NEK9: variants seen among roughly 807,000 people sequenced by gnomAD.
NEK9 encodes NIMA related kinase 9, also known as serine/threonine-protein kinase Nek9.
Under a neutral mutation model 123.4 loss-of-function variants are expected in NEK9, and 75 were observed. The ratio of observed to expected loss-of-function variants is 0.61; its 90% CI spans 0.50 to 0.74. NEK9 has a LOEUF of 0.74. Ranked by LOEUF, NEK9 falls within the 30% of genes least tolerant of loss-of-function variation. The pLI is 0.00. For synonymous variants in NEK9, 438 were observed against 458.7 expected (o/e 0.95, Z 0.58); for missense variants, 952 against 1,214.4 (o/e 0.78, Z 3.21).
intron 19 of NEK9, among the ~76,000 whole-genome samples, chr14:75,089,682 C>T (rs1433109746): frequency 2.7e-5 from 4 of 149,498 alleles, no homozygotes; most frequent in African/African-American, 4.9e-5. Flanking sequence ...ATTACAGGTG[C>T]GTGCCACCAT....
chr14:75,110,607 C>T (rs776059179), intron 8 of NEK9, among the ~76,000 whole-genome samples: 8 of 151,996 alleles, frequency 5.3e-5, no homozygotes, highest in Non-Finnish European at 1.0e-4. Context: ...CTTTCTGTCT[C>T]TGAGAAATGG....
intron 14 of NEK9, among the ~76,000 whole-genome samples, chr14:75,102,631 CG>C (rs1894625129): frequency 1.3e-5 from 2 of 152,074 alleles, no homozygotes; most frequent in African/African-American, 4.8e-5. Flanking sequence ...GGATTACAGG[CG>C]TGAGCCACCG....
chr14:75,107,551 A>G, intron 10 of NEK9, 64 bp from the exon 11 acceptor site: 1 of 1,364,778 alleles, frequency 7.3e-7, no homozygotes, highest in Non-Finnish European at 9.8e-7. Flanking sequence ...TTAAATTTTA[A>G]AGAGATGGGT....
chr14:75,115,561 A>G (rs1895113819), intron 6 of NEK9, among the ~76,000 whole-genome samples: 1 of 152,248 alleles, frequency 6.6e-6, no homozygotes, highest in African/African-American at 2.4e-5. Flanking sequence ...TTTTTCATAT[A>G]CATTATGAGA....
intron 2 of NEK9, among the ~76,000 whole-genome samples, chr14:75,121,952 C>T (rs1895350534): frequency 6.6e-6 from 1 of 152,232 alleles, no homozygotes; most frequent in Non-Finnish European, 1.5e-5. Context: ...TTCTACTTCA[C>T]ACCGAAATAT....
chr14:75,124,245 T>C, intron 1 of NEK9, 22 bp from the exon 2 acceptor site: 1 of 1,603,330 alleles, frequency 6.2e-7, no homozygotes, highest in Non-Finnish European at 8.5e-7. Flanking sequence ...AACAGAGGTA[T>C]CGTGCTTTTC....
At chr14:75,084,732 G>C in intron 21 of NEK9, 46 bp from the exon 22 acceptor site, 1 of 1,612,642 alleles carries the variant, frequency 6.2e-7, no homozygotes, top group Non-Finnish European at 8.5e-7. Context: ...GTGCCACCTA[G>C]TCACAGAAGT....
At chr14:75,120,969 A>C (rs748279223) in intron 3 of NEK9, 150 bp downstream of exon 3, 29 of 724,860 alleles carry the variant, frequency 4.0e-5, no homozygotes, top group Non-Finnish European at 7.2e-5. Context: ...TCCTTGTTAG[A>C]GGTTTCCTTT....
intron 18 of NEK9, among the ~76,000 whole-genome samples, chr14:75,093,646 AG>A (rs1894289823): frequency 6.6e-6 from 1 of 152,028 alleles, no homozygotes; most frequent in Non-Finnish European, 1.5e-5. Flanking sequence ...TAGTAGAGAC[AG>A]GGTTTCACCA....
chr14:75,105,614 A>G (rs1594838016), intron 13 of NEK9, among the ~76,000 whole-genome samples: 1 of 152,256 alleles, frequency 6.6e-6, no homozygotes, highest in Non-Finnish European at 1.5e-5. Context: ...GTTAAGAGAC[A>G]GTATACTGCT....
chr14:75,100,084 G>A (rs374197029), intron 16 of NEK9, among the ~76,000 whole-genome samples: 243 of 120,156 alleles, frequency 2.0e-3, no homozygotes, highest in Middle Eastern at 7.4e-3. Flanking sequence ...AGCCAAGATC[G>A]CGCCATTGTA....
chr14:75,095,660 G>C (rs1280691848), intron 17 of NEK9, among the ~76,000 whole-genome samples: 1 of 152,122 alleles, frequency 6.6e-6, no homozygotes, highest in Non-Finnish European at 1.5e-5. Context: ...GAATCACCTG[G>C]GAAGTTTTAA....
Position 75,088,462 on chromosome 14 carries a change from G to T in NEK9, c.2604+18C>A. On this transcript the variant is annotated intron_variant, in intron 20 of 21. Coordinates refer to ENST00000238616, the MANE Select transcript of NEK9 (RefSeq NM_033116.6). ...ACTGTTTACCTAGTTGTGATTCAAA[G>T]GCAAAAAGCTCAGTTACCGAGGCTT... The T allele has an allele frequency of 6.2e-7, 1 of 1,610,650 alleles. No individual in the cohort carries two copies. Among genetic ancestry groups the T allele is most frequent in the South Asian group, 1.1e-5 (1 of 90,680 alleles).
At chr14:75,096,031 C>A (rs1397500007) in intron 17 of NEK9, among the ~76,000 whole-genome samples, 1 of 152,166 alleles carries the variant, frequency 6.6e-6, no homozygotes, top group African/African-American at 2.4e-5. Flanking sequence ...TGTCTGTAAT[C>A]TCAGCACTTT....
chr14:75,091,424 T>C lies in NEK9; in HGVS notation c.2288A>G (p.Glu763Gly). 1 of 1,612,572 alleles carries C rather than the reference T, an allele frequency of 6.2e-7. No homozygotes were observed. Among genetic ancestry groups the C allele is most frequent in the Non-Finnish European group, 8.5e-7 (1 of 1,179,596 alleles). The change falls in exon 19 of 22, where the codon GAG becomes GGG. Residue 763 changes from glutamate to glycine, a missense_variant. Around this residue, in one of 4 missense-constraint regions of NEK9, gnomAD observed 698 missense variants for 875.6 expected, o/e 0.80. Transcript: ENST00000238616. ...AGTTTCAGATTCCTGCTGACTGTCC[T>C]CTTCTTCACCACCGCCGCCCCCGCC... is the stretch of plus-strand genomic sequence containing the variant. ...GGGGGGGGEE[E>G]DSQQESETPD...
At position 75,084,252 on chromosome 14, in the gene NEK9, G is replaced by A. The variant is rs545471627; in HGVS notation, c.*312C>T. 4.2e-5 allele frequency: 12 copies of A among 285,492 alleles called. No homozygotes were observed. The highest frequency in any genetic ancestry group is 5.5e-5 in the Non-Finnish European group (8 of 146,142). The allele number at this position is 285,492 out of a possible 1,614,324, so 17.7% of individuals were successfully genotyped here. The stretch of plus-strand genomic sequence containing the variant: ...AAGCTGCTACCAGCGCAATTAAGGT[G>A]AGCACTGTGTCTCCTCTTCAAAGGT... On this transcript the variant is annotated 3_prime_UTR_variant, in exon 22 of 22. Coordinates refer to ENST00000238616, the MANE Select transcript of NEK9 (RefSeq NM_033116.6).
chr14:75,110,495 A>G, intron 8 of NEK9, 124 bp from the exon 9 acceptor site: 1 of 696,300 alleles, frequency 1.4e-6, no homozygotes, highest in Non-Finnish European at 2.4e-6. Flanking sequence ...CAACATCACA[A>G]TACTTTTAGC....
At chr14:75,099,330 G>GAAAA (rs1894485590) in intron 16 of NEK9, among the ~76,000 whole-genome samples, 1 of 151,360 alleles carries the variant, frequency 6.6e-6, no homozygotes, top group South Asian at 2.1e-4. Context: ...GTCTCAAAAA[G>GAAAA]AAAAAGAGAG....
intron 6 of NEK9, 49 bp from the exon 7 acceptor site, chr14:75,114,362 C>CTA (rs746931258): frequency 1.4e-6 from 2 of 1,380,304 alleles, no homozygotes; most frequent in Non-Finnish European, 2.1e-6. Flanking sequence ...AAAGATGATG[C>CTA]TATACTCTAC....
Sources: gnomAD v4.1 joint callset for allele counts (sites outside exome capture counted in the v4.1 genomes callset) on GRCh38, gnomAD v4.1.1 for gene constraint, gnomAD v4.1.1 regional missense constraint, MANE v1.5 for transcripts, NCBI Gene and HGNC (gene_info 2026-07-23, HGNC 2026-07-21) for gene names.